The following DNAI7 variants were observed in gnomAD, a reference collection of about 807,000 sequenced individuals.
DNAI7 encodes the protein cancer susceptibility 1.
DNAI7 carries 78 observed loss-of-function variants against 86.6 expected under a neutral mutation model. The ratio of observed to expected loss-of-function variants is 0.90; its 90% CI spans 0.75 to 1.09. The LOEUF is 1.09. DNAI7 is among the 50% of genes least tolerant of loss of function. The pLI is 0.00. For synonymous variants in DNAI7, 274 were observed against 273.0 expected, an observed-to-expected ratio of 1.00 and a Z score of -0.04; for missense variants, 753 against 810.2, an observed-to-expected ratio of 0.93 and a Z score of 0.86.
At chr12:25,127,197 T>C (rs1392478239) in intron 9 of DNAI7, among the ~76,000 whole-genome samples, 1 of 152,246 alleles carries the variant, frequency 6.6e-6, no homozygotes, top group Non-Finnish European at 1.5e-5. Context: ...AATGGGTTCC[T>C]GTAATTGCAA....
At chr12:25,118,812 C>G (rs1291823309) in intron 12 of DNAI7, among the ~76,000 whole-genome samples, 6 of 152,018 alleles carry the variant, frequency 3.9e-5, no homozygotes, top group African/African-American at 1.2e-4. Context: ...GTGATCTGCC[C>G]ACCTCAGCCT....
intron 11 of DNAI7, among the ~76,000 whole-genome samples, chr12:25,120,678 C>T (rs1327760638): frequency 2.0e-5 from 3 of 152,082 alleles, no homozygotes; most frequent in East Asian, 3.9e-4. Context: ...TGAGCCAAGA[C>T]AGCGCCACTG....
At position 25,121,903 on chromosome 12, in the gene DNAI7, C is replaced by T. The variant is rs1383192280; in HGVS notation, c.1089G>A (p.Leu363=). The T allele has an allele frequency of 1.3e-6, 2 of 1,581,156 alleles. No homozygotes were observed. The highest frequency in any genetic ancestry group is 1.7e-6 in the Non-Finnish European group (2 of 1,170,082). ...LSETVSAAQL[L]LVENSSEKPD... The stretch of plus-strand genomic sequence containing the variant: ...GCTTTTCAGAAGAATTCTCTACCAG[C>T]AACAACTGTGCTAAAATTAATCAGA... Residue 363 remains leucine, a synonymous_variant, in exon 11 of 16, where the codon TTG becomes TTA. Transcript: ENST00000395987.
At chr12:25,186,062 T>C (rs1950004563) in intron 2 of DNAI7, among the ~76,000 whole-genome samples, 1 of 152,190 alleles carries the variant, frequency 6.6e-6, no homozygotes, top group Non-Finnish European at 1.5e-5. Flanking sequence ...CATCTATATA[T>C]TCATCAATTT....
intron 9 of DNAI7, among the ~76,000 whole-genome samples, chr12:25,134,632 T>G (rs1196736346): frequency 6.6e-6 from 1 of 151,942 alleles, no homozygotes. Flanking sequence ...GCTGGGATTA[T>G]AGTCATGAGC....
At position 25,132,940 on chromosome 12, in the gene DNAI7, C is replaced by T. The variant is rs896907634; in HGVS notation, c.1003-9654G>A. Among the ~76,000 whole-genome samples the T allele has an allele frequency of 3.6e-5, 5 of 140,662 alleles. No individual in the cohort carries two copies. The South Asian group carries it at 1.0e-3, about 29-fold the overall frequency. 92.3% of individuals were successfully genotyped at this position (140,662 alleles called of 152,430 possible). ...ATATTTTTCTTAGTCTGTTATTTGC[C>T]TTTCAGCTTTGTTTTATAATGAGGT... On this transcript the variant is annotated intron_variant, in intron 9 of 15. Coordinates refer to ENST00000395987, the MANE Select transcript of DNAI7 (RefSeq NM_018272.5).
chr12:25,172,840 CAT>C (rs1458898266), intron 2 of DNAI7, among the ~76,000 whole-genome samples: 3 of 152,050 alleles, frequency 2.0e-5, no homozygotes, highest in Non-Finnish European at 4.4e-5. Context: ...CAAACAAAAA[CAT>C]AAAGTGGGGA....
chr12:25,137,624 C>G (rs1943695573), intron 9 of DNAI7, among the ~76,000 whole-genome samples: 1 of 152,090 alleles, frequency 6.6e-6, no homozygotes, highest in Non-Finnish European at 1.5e-5. Flanking sequence ...AATTCACCAA[C>G]CAAGAACCTG....
In DNAI7 at chr12:25,110,108, G is replaced by A; in HGVS notation, c.1893+19C>T. 1 of 1,208,930 alleles carries A rather than the reference G, an allele frequency of 8.3e-7. No individual in the cohort carries two copies. Among genetic ancestry groups the A allele is most frequent in the East Asian group, 2.3e-5 (1 of 42,946 alleles). 74.9% of individuals were successfully genotyped at this position (1,208,930 alleles called of 1,614,324 possible). A position where few individuals can be genotyped will look rare whatever the true frequency, so the allele number is the denominator to read the frequency against. On this transcript the variant is annotated intron_variant, in intron 15 of 15. Coordinates refer to ENST00000395987, the MANE Select transcript of DNAI7 (RefSeq NM_018272.5). ...CTTTTGGAGGACAAAGTAGTTTTAT[G>A]GGTTTCTACATATCATACCTTAAAT...
intron 3 of DNAI7, 65 bp from the exon 4 acceptor site, chr12:25,158,628 T>C: frequency 1.3e-6 from 2 of 1,536,290 alleles, no homozygotes; most frequent in South Asian, 2.4e-5. Flanking sequence ...CCCTTAAAAT[T>C]ACTCCTAATA....
chr12:25,157,731 G>A (rs1486044825), intron 4 of DNAI7, among the ~76,000 whole-genome samples: 2 of 152,128 alleles, frequency 1.3e-5, no homozygotes, highest in Non-Finnish European at 2.9e-5. Flanking sequence ...AATAGTAATG[G>A]AGTTTTGTCC....
intron 13 of DNAI7, among the ~76,000 whole-genome samples, chr12:25,112,386 G>A (rs951155337): frequency 6.9e-6 from 1 of 145,692 alleles, no homozygotes. Context: ...AAGGTGTATA[G>A]AATTCACATC....
intron 7 of DNAI7, among the ~76,000 whole-genome samples, chr12:25,148,069 T>G (rs1380028519): frequency 6.6e-6 from 1 of 151,994 alleles, no homozygotes; most frequent in African/African-American, 2.4e-5. Context: ...TGTTGAAGAT[T>G]ATATTTATTA....
chr12:25,169,370 C>T (rs1435366564), intron 2 of DNAI7, among the ~76,000 whole-genome samples: 1 of 152,130 alleles, frequency 6.6e-6, no homozygotes, highest in Non-Finnish European at 1.5e-5. Context: ...TTTTCCTTTA[C>T]CTACCCAAAT....
At chr12:25,125,450 C>T (rs939733274) in intron 9 of DNAI7, among the ~76,000 whole-genome samples, 18 of 152,142 alleles carry the variant, frequency 1.2e-4, no homozygotes, top group African/African-American at 4.3e-4. Context: ...GTCCTTTGCC[C>T]ACTTTTTAAT....
At chr12:25,158,004 C>T (rs769954457) in intron 4 of DNAI7, among the ~76,000 whole-genome samples, 1 of 151,834 alleles carries the variant, frequency 6.6e-6, no homozygotes, top group Admixed American at 6.6e-5. Context: ...CTGAGGGGGG[C>T]GGATCACAAG....
intron 12 of DNAI7, among the ~76,000 whole-genome samples, chr12:25,117,615 G>A (rs984181839): frequency 6.6e-6 from 1 of 151,928 alleles, no homozygotes; most frequent in African/African-American, 2.4e-5. Context: ...TCCAAAAGAG[G>A]TATTTGTTAA....
At chr12:25,191,707 CAAAT>C (rs964589976) in intron 1 of DNAI7, among the ~76,000 whole-genome samples, 2 of 152,062 alleles carry the variant, frequency 1.3e-5, no homozygotes, top group African/African-American at 2.4e-5. Context: ...AAAAAATAAA[CAAAT>C]AAATAAATAA....
intron 2 of DNAI7, among the ~76,000 whole-genome samples, chr12:25,181,233 C>T (rs1949476172): frequency 6.6e-6 from 1 of 152,134 alleles, no homozygotes; most frequent in Non-Finnish European, 1.5e-5. Context: ...ACCTCAGCCT[C>T]AGGAGTAGCT....
Sources: gnomAD v4.1 joint callset for allele counts (sites outside exome capture counted in the v4.1 genomes callset) on GRCh38, gnomAD v4.1.1 for gene constraint, MANE v1.5 for transcripts, NCBI Gene and HGNC (gene_info 2026-07-23, HGNC 2026-07-21) for gene names.